The following ZFAT variants were observed in gnomAD, a reference collection of about 807,000 sequenced individuals.
ZFAT encodes zinc finger and AT-hook domain containing, also known as zinc finger protein ZFAT.
In ZFAT, 64 loss-of-function variants were observed where a neutral mutation model predicts 117.7. The ratio of observed to expected loss-of-function variants is 0.54; its 90% CI spans 0.44 to 0.67. ZFAT has a LOEUF of 0.67. Ranked by LOEUF, ZFAT falls within the 30% of genes least tolerant of loss-of-function variation. The probability of loss-of-function intolerance (pLI) is 0.00; values close to 1 mark genes in which losing one functional copy is unlikely to be tolerated. For synonymous variants in ZFAT, 679 were observed against 615.0 expected (o/e 1.10, Z -1.54); for missense variants, 1,433 against 1,584.5 (o/e 0.90, Z 1.62).
the ZFAT span, among the ~76,000 whole-genome samples, chr8:134,725,029 C>T: frequency 3.3e-5 from 5 of 152,172 alleles, no homozygotes; most frequent in Admixed American, 2.6e-4. Flanking sequence ...AACAGCCCCC[C>T]ATCTGCTCCT....
chr8:134,674,326 C>T (rs1832692571), intron 1 of ZFAT, among the ~76,000 whole-genome samples: 1 of 152,198 alleles, frequency 6.6e-6, no homozygotes, highest in Admixed American at 6.5e-5. Flanking sequence ...ACCCCTAGAG[C>T]CTAGCAAGCT....
chr8:134,614,509 C>T (rs370336417), intron 3 of ZFAT, among the ~76,000 whole-genome samples: 3 of 152,204 alleles, frequency 2.0e-5, no homozygotes, highest in East Asian at 1.9e-4. Flanking sequence ...ACCGAACCAA[C>T]GGTTGGACTT....
chr8:134,516,033 C>T (rs1184981390), intron 13 of ZFAT, among the ~76,000 whole-genome samples: 1 of 152,188 alleles, frequency 6.6e-6, no homozygotes, highest in Non-Finnish European at 1.5e-5. Context: ...AAATGAGGTT[C>T]ACACATTAGA....
intron 1 of ZFAT, among the ~76,000 whole-genome samples, chr8:134,681,220 T>G (rs1833054768): frequency 1.3e-5 from 2 of 152,212 alleles, no homozygotes; most frequent in Non-Finnish European, 2.9e-5. Context: ...CCCACACCTT[T>G]GCCCAGTACC....
chr8:134,668,660 G>C (rs1832384215), intron 1 of ZFAT, among the ~76,000 whole-genome samples: 9 of 152,216 alleles, frequency 5.9e-5, no homozygotes, highest in Admixed American at 5.2e-4. Flanking sequence ...GGAAAAAACA[G>C]AGCAGAAAAG....
intron 3 of ZFAT, among the ~76,000 whole-genome samples, chr8:134,634,909 G>A (rs563921064): frequency 2.0e-5 from 3 of 152,142 alleles, no homozygotes; most frequent in Non-Finnish European, 4.4e-5. Context: ...GGCGGGGTGG[G>A]GTGGTTTGGG....
chr8:134,654,635 G>A (rs1354878186), intron 2 of ZFAT, among the ~76,000 whole-genome samples: 1 of 152,230 alleles, frequency 6.6e-6, no homozygotes, highest in East Asian at 1.9e-4. Context: ...TGAGTTTGAG[G>A]AGCCCTGCTT....
chr8:134,830,255 C>G, the ZFAT span, among the ~76,000 whole-genome samples: 2 of 152,124 alleles, frequency 1.3e-5, no homozygotes, highest in East Asian at 1.9e-4. Context: ...CAATTAAGTA[C>G]CCCACTACAG....
chr8:134,551,370 C>T (rs1272240849), intron 11 of ZFAT, among the ~76,000 whole-genome samples: 2 of 152,158 alleles, frequency 1.3e-5, no homozygotes, highest in Non-Finnish European at 2.9e-5. Flanking sequence ...AGGTAATACA[C>T]AGAAAACACC....
intron 7 of ZFAT, among the ~76,000 whole-genome samples, chr8:134,592,188 G>A (rs1243292629): frequency 6.6e-6 from 1 of 152,168 alleles, no homozygotes; most frequent in Admixed American, 6.5e-5. Flanking sequence ...CACCAAGTGT[G>A]TTCCACGCCT....
chr8:134,696,374 AACC>A (rs1296114947), intron 1 of ZFAT: 2 of 985,482 alleles, frequency 2.0e-6, no homozygotes, highest in East Asian at 2.3e-4. Context: ...ACACCTCTGA[AACC>A]ACCCAGGAAT....
chr8:134,725,591 C>T, the ZFAT span, among the ~76,000 whole-genome samples: 4 of 152,094 alleles, frequency 2.6e-5, no homozygotes, highest in Admixed American at 6.6e-5. Context: ...TCCACCGCCA[C>T]GATCTAATCA....
At position 134,706,853 on chromosome 8, in the gene ZFAT, G is replaced by A. The variant is rs571429223; in HGVS notation, c.19+5992C>T. Among the ~76,000 whole-genome samples the A allele has an allele frequency of 7.3e-5, 11 of 150,528 alleles. No homozygotes were observed. The South Asian group carries it at 2.3e-3, about 32-fold the overall frequency. On this transcript the variant is annotated intron_variant, in intron 1 of 15. Transcript: ENST00000377838. Reference sequence around the variant, plus strand: ...GTCAAACTCTACACTTAAGGTCTATGCATTTCAGCATGTATATAGTACGCC... The same window carrying A: ...GTCAAACTCTACACTTAAGGTCTATACATTTCAGCATGTATATAGTACGCC...
chr8:134,744,896 C>G, the ZFAT span, among the ~76,000 whole-genome samples: 1 of 151,414 alleles, frequency 6.6e-6, no homozygotes, highest in African/African-American at 2.4e-5. Context: ...GGCCCGGCTA[C>G]TTTTTCGTAT....
intron 14 of ZFAT, among the ~76,000 whole-genome samples, chr8:134,512,251 G>A (rs995726874): frequency 2.6e-5 from 4 of 152,190 alleles, no homozygotes; most frequent in East Asian, 1.9e-4. Flanking sequence ...GGACTCTTGC[G>A]GCCCTGTTCG....
Position 134,478,383 on chromosome 8 carries a change from C to A in ZFAT, c.*99G>T. On this transcript the variant is annotated 3_prime_UTR_variant, in exon 16 of 16. Transcript: ENST00000377838. The surrounding 1 kb of genome is among the most constrained non-coding windows in gnomAD (Gnocchi z 5.2). ...GCTGGGCAGGGAGGGCAAAGGAGAGCACCATTCTGCGGGTAGGGCAGGAAG... is the reference window on the plus strand; with the variant it reads ...GCTGGGCAGGGAGGGCAAAGGAGAGAACCATTCTGCGGGTAGGGCAGGAAG... 6.8e-7 allele frequency: 1 copy of A among 1,473,194 alleles called. No homozygotes were observed. The highest frequency in any genetic ancestry group is 1.4e-5 in the South Asian group (1 of 74,012). The allele number at this position is 1,473,194 out of a possible 1,614,324, so 91.3% of individuals were successfully genotyped here.
intron 5 of ZFAT, among the ~76,000 whole-genome samples, chr8:134,604,189 T>G (rs1827716336): frequency 6.6e-6 from 1 of 152,238 alleles, no homozygotes; most frequent in Non-Finnish European, 1.5e-5. Flanking sequence ...ATGCTAAGTA[T>G]TTAATCCCAA....
At chr8:134,815,063 T>C in the ZFAT span, among the ~76,000 whole-genome samples, 1 of 152,210 alleles carries the variant, frequency 6.6e-6, no homozygotes, top group African/African-American at 2.4e-5. Context: ...TTCAGCTAAA[T>C]AATTTCAAAA....
At chr8:134,555,888 T>C (rs1206417622) in intron 11 of ZFAT, among the ~76,000 whole-genome samples, 2 of 146,948 alleles carry the variant, frequency 1.4e-5, no homozygotes, top group East Asian at 4.0e-4. Context: ...AAAAAGAAAG[T>C]GCTACATGGG....
Sources: allele counts gnomAD v4.1 joint callset (sites outside exome capture counted in the v4.1 genomes callset), GRCh38; gene constraint gnomAD v4.1.1; non-coding constraint Gnocchi (gnomAD v3.1); transcripts MANE v1.5; gene names NCBI Gene and HGNC (gene_info 2026-07-23, HGNC 2026-07-21).